ATG2B: variants seen among roughly 807,000 people sequenced by gnomAD.
The protein encoded by ATG2B is autophagy-related protein 2 homolog B.
Under a neutral mutation model 241.3 loss-of-function variants are expected in ATG2B, and 121 were observed. The ratio of observed to expected loss-of-function variants is 0.50; its 90% CI spans 0.43 to 0.58. The LOEUF is 0.58. Ranked by LOEUF, ATG2B falls within the 20% of genes least tolerant of loss-of-function variation. The pLI is 0.00. For synonymous variants in ATG2B, 858 were observed against 876.6 expected (o/e 0.98, Z 0.37); for missense variants, 2,306 against 2,491.6 (o/e 0.93, Z 1.59).
At chr14:96,317,072 T>C in intron 20 of ATG2B, 73 bp downstream of exon 20, 1 of 1,323,818 alleles carries the variant, frequency 7.6e-7, no homozygotes, top group South Asian at 1.4e-5. Context: ...CTTCAATCAC[T>C]AGATATGTAT....
rs767574333 is a variant in ATG2B, at chr14:96,331,357, T to C, written c.1730+19A>G. 16 of 1,594,152 alleles carry C rather than the reference T, an allele frequency of 1.0e-5. No homozygotes were observed. The highest frequency in any genetic ancestry group is 1.2e-5 in the Non-Finnish European group (14 of 1,171,984). ...ATGTGGAAGTTTAAAGGATCATTAA[T>C]ACATATGTGAGAGTTTACCTAAGGT... On this transcript the variant is annotated intron_variant, in intron 11 of 41. Coordinates refer to ENST00000359933, the MANE Select transcript of ATG2B (RefSeq NM_018036.7).
At chr14:96,298,747 G>A (rs529420602) in intron 34 of ATG2B, among the ~76,000 whole-genome samples, 1 of 152,278 alleles carries the variant, frequency 6.6e-6, no homozygotes, top group East Asian at 1.9e-4. Flanking sequence ...AGTCACTTTG[G>A]GATGGTGAAG....
intron 1 of ATG2B, among the ~76,000 whole-genome samples, chr14:96,351,368 G>C (rs959529074): frequency 3.9e-5 from 6 of 152,182 alleles, no homozygotes; most frequent in African/African-American, 1.4e-4. Flanking sequence ...TTTGGAGACT[G>C]AGGCAGAAGG....
chr14:96,320,347 T>C (rs1270571446), intron 18 of ATG2B, among the ~76,000 whole-genome samples: 1 of 152,154 alleles, frequency 6.6e-6, no homozygotes, highest in African/African-American at 2.4e-5. Flanking sequence ...TTTTAATTAA[T>C]GCAGACTGGG....
chr14:96,308,264 A>G (rs1322482129), intron 29 of ATG2B, among the ~76,000 whole-genome samples: 8 of 12,616 alleles, frequency 6.3e-4, no homozygotes, highest in Admixed American at 1.7e-3. Context: ...ACACATATAT[A>G]TATATATATA....
chr14:96,288,940 A>G (rs778638719), intron 41 of ATG2B, among the ~76,000 whole-genome samples: 4 of 152,188 alleles, frequency 2.6e-5, no homozygotes, highest in Non-Finnish European at 5.9e-5. Context: ...ATGAACAAAA[A>G]GAGAGTTAAA....
chr14:96,318,119 AC>A, intron 18 of ATG2B: 1 of 285,918 alleles, frequency 3.5e-6, no homozygotes, highest in Non-Finnish European at 6.5e-6. Flanking sequence ...GCCTAATTTT[AC>A]CTATGTTATA....
At chr14:96,330,849 G>C (rs1248513510) in intron 11 of ATG2B, among the ~76,000 whole-genome samples, 2 of 152,154 alleles carry the variant, frequency 1.3e-5, no homozygotes, top group African/African-American at 4.8e-5. Context: ...ACCCATGAAA[G>C]GATCACTCAC....
chr14:96,295,630 G>GT, intron 34 of ATG2B, 70 bp from the exon 35 acceptor site: 2 of 1,018,570 alleles, frequency 2.0e-6, no homozygotes, highest in Non-Finnish European at 2.9e-6. Flanking sequence ...ATGAAACAAA[G>GT]TATCTTAAAC....
chr14:96,294,943 A>C lies in ATG2B; in HGVS notation c.5426+17T>G. On this transcript the variant is annotated intron_variant, in intron 36 of 41. Transcript: ENST00000359933. ...GTCTAAAATAACTTCATTTGTTATTAAAACTAAATTAGTTACCTAAAAAAC... is the reference window on the plus strand; with the variant it reads ...GTCTAAAATAACTTCATTTGTTATTCAAACTAAATTAGTTACCTAAAAAAC... 1 of 1,607,350 alleles carries C rather than the reference A, an allele frequency of 6.2e-7. No homozygotes were observed. Among genetic ancestry groups the C allele is most frequent in the Non-Finnish European group, 8.5e-7 (1 of 1,174,546 alleles).
intron 1 of ATG2B, among the ~76,000 whole-genome samples, chr14:96,359,841 G>A (rs1434685090): frequency 1.3e-5 from 2 of 152,174 alleles, no homozygotes; most frequent in Non-Finnish European, 2.9e-5. Context: ...GGATGTGAGA[G>A]GAAAATGAGA....
In ATG2B at chr14:96,289,477, T is replaced by C. The variant is rs544453811; in HGVS notation, c.6006+179A>G. On this transcript the variant is annotated intron_variant, in intron 41 of 41. Coordinates refer to ENST00000359933, the MANE Select transcript of ATG2B (RefSeq NM_018036.7). This position sits in a 1 kb window ranked among gnomAD's most constrained non-coding sequence, Gnocchi z 4.3. ...ACTAGTATTCCTGTCAGCCTATTGGTCCCAGACTGGCCCTTTTCCATCACC... is the reference window on the plus strand; with the variant it reads ...ACTAGTATTCCTGTCAGCCTATTGGCCCCAGACTGGCCCTTTTCCATCACC... The C allele has an allele frequency of 9.2e-5, 62 of 673,656 alleles. No homozygotes were observed. The South Asian group carries it at 1.2e-3, about 13-fold the overall frequency. 41.7% of individuals were successfully genotyped at this position (673,656 alleles called of 1,614,324 possible).
intron 6 of ATG2B, among the ~76,000 whole-genome samples, chr14:96,339,175 G>T (rs1467624460): frequency 6.6e-6 from 1 of 151,966 alleles, no homozygotes; most frequent in Non-Finnish European, 1.5e-5. Context: ...TTACACTGCT[G>T]GTAGGAATGT....
At position 96,285,809 on chromosome 14, in the gene ATG2B, A is replaced by G. The variant is rs1474412313; in HGVS notation, c.6183T>C (p.Ile2061=). The change falls in exon 42 of 42, where the codon ATT becomes ATC. Residue 2061 remains isoleucine (I), a synonymous_variant. Transcript: ENST00000359933. The surrounding 1 kb of genome is among the most constrained non-coding windows in gnomAD (Gnocchi z 4.2). ...ACTCGTCTTGCCGGACATCTGGCCT[A>G]ATTTGGTTTCTCATGCCACCCAGCA... is the stretch of plus-strand genomic sequence containing the variant. The part of the protein sequence containing the change: ...SNVLGGMRNQ[I]RPDVRQDESQ... The G allele has an allele frequency of 3.1e-6, 5 of 1,613,920 alleles. No individual in the cohort carries two copies. The highest frequency in any genetic ancestry group is 4.2e-6 in the Non-Finnish European group (5 of 1,180,008).
At chr14:96,323,434 A>G (rs980585258) in intron 16 of ATG2B, among the ~76,000 whole-genome samples, 1 of 152,192 alleles carries the variant, frequency 6.6e-6, no homozygotes, top group Non-Finnish European at 1.5e-5. Context: ...GGAACCCTCA[A>G]AGAGAATAGC....
At chr14:96,306,952 G>C (rs751349355) in intron 29 of ATG2B, 36 bp from the exon 30 acceptor site, 1 of 1,546,130 alleles carries the variant, frequency 6.5e-7, no homozygotes. Flanking sequence ...GGCACACTTT[G>C]AAATATCAAC....
Position 96,334,002 on chromosome 14 carries a change from G to A in ATG2B, c.1022-129C>T, listed in dbSNP as rs117394143. On this transcript the variant is annotated intron_variant, in intron 7 of 41. Coordinates refer to ENST00000359933, the MANE Select transcript of ATG2B (RefSeq NM_018036.7). ...CACAGTGCAAAACCACTGCTATTTA[G>A]TGAGTCAGAGCTCTAAGCAACAGCT... 6,296 of 752,086 alleles carry A rather than the reference G, an allele frequency of 8.4e-3. 210 individuals carry two copies. Among genetic ancestry groups the A allele is most frequent in the South Asian group, 0.064 (3,946 of 62,012 alleles). 46.6% of individuals were successfully genotyped at this position (752,086 alleles called of 1,614,324 possible).
chr14:96,306,844 C>G lies in ATG2B; in HGVS notation c.4376G>C (p.Gly1459Ala). Residue 1459 changes from glycine to alanine, a missense_variant, in exon 30 of 42, where the codon GGG becomes GCG. Gly to Ala is a moderately conservative substitution (Grantham distance 60). Around this residue, in one of 2 missense-constraint regions of ATG2B, gnomAD observed 1,927 missense variants for 2,011.2 expected, o/e 0.96. Coordinates refer to ENST00000359933, the MANE Select transcript of ATG2B (RefSeq NM_018036.7). ...GGGGCCGGACTCCTGGGATACATTC[C>G]CACTCTCGTCAGGAAACAGGAAGAG... ...SDLFLFPDES[G>A]NVSQESGPTY... 6.2e-7 allele frequency: 1 copy of G among 1,614,016 alleles called. No homozygotes were observed. The highest frequency in any genetic ancestry group is 8.5e-7 in the Non-Finnish European group (1 of 1,180,008).
At chr14:96,302,146 A>T in intron 33 of ATG2B, 38 bp from the exon 34 acceptor site, 1 of 1,278,918 alleles carries the variant, frequency 7.8e-7, no homozygotes, top group South Asian at 1.2e-5. Context: ...TTTCCCCAAT[A>T]ATATGATGAC....
Sources: allele counts gnomAD v4.1 joint callset (sites outside exome capture counted in the v4.1 genomes callset), GRCh38; gene constraint gnomAD v4.1.1; regional missense constraint gnomAD v4.1.1; non-coding constraint Gnocchi (gnomAD v3.1); transcripts MANE v1.5; gene names NCBI Gene and HGNC (gene_info 2026-07-23, HGNC 2026-07-21).